Variants in ISCA2 observed in about 807,000 individuals in gnomAD.
ISCA2 encodes iron-sulfur cluster assembly 2.
ISCA2 carries 21 observed loss-of-function variants against 19.1 expected under a neutral mutation model. The ratio of observed to expected loss-of-function variants is 1.10; its 90% CI spans 0.78 to 1.59. The LOEUF (loss-of-function observed/expected upper bound fraction) is 1.59, where lower values mean the gene tolerates loss of function less well. Among genes scored for constraint, ISCA2 ranks in the 40% most tolerant of loss-of-function variants. ISCA2 has a pLI of 0.00. For missense variants in ISCA2, 181 were observed against 191.7 expected, an observed-to-expected ratio of 0.94 and a Z score of 0.33; for synonymous variants, 107 against 83.8, an observed-to-expected ratio of 1.28 and a Z score of -1.51.
Position 74,494,279 on chromosome 14 carries a change from T to A in ISCA2, c.179T>A (p.Leu60His). Residue 60 changes from leucine (L) to histidine (H), a missense_variant, in exon 3 of 4, where the codon CTT becomes CAT. By Grantham distance (99) the Leu-to-His change is moderately conservative (BLOSUM62 -3). Transcript: ENST00000556816. ...ATCCCCCTTCCTGCATTTCAGAGGC[T>A]TTTGGAAATCACCGAAGGGTCAGAA... Reference protein sequence around the residue: ...IRLTDSCVQRLLEITEGSEFL... With the variant: ...IRLTDSCVQRHLEITEGSEFL... 6.2e-7 allele frequency: 1 copy of A among 1,613,562 alleles called. No individual in the cohort carries two copies. The highest frequency in any genetic ancestry group is 8.5e-7 in the Non-Finnish European group (1 of 1,179,434).
At chr14:74,494,799 C>T in intron 3 of ISCA2, 27 bp from the exon 4 acceptor site, 2 of 1,610,294 alleles carry the variant, frequency 1.2e-6, no homozygotes, top group Non-Finnish European at 1.7e-6. Context: ...TGCGATACTC[C>T]TTAATGCCTT....
Position 74,495,331 on chromosome 14 carries a change from G to A in ISCA2, c.*331G>A. The A allele has an allele frequency of 4.7e-6, 1 of 214,560 alleles. No individual in the cohort carries two copies. Among genetic ancestry groups the A allele is most frequent in the Non-Finnish European group, 9.2e-6 (1 of 108,254 alleles). 13.3% of individuals were successfully genotyped at this position (214,560 alleles called of 1,614,324 possible). A position where few individuals can be genotyped will look rare whatever the true frequency, so the allele number is the denominator to read the frequency against. ...TGCCTTAAGAGCTGCTTGTACATAT[G>A]TGGATAGCTATGTATAAAAGCTTCA... On this transcript the variant is annotated 3_prime_UTR_variant, in exon 4 of 4. Coordinates refer to ENST00000556816, the MANE Select transcript of ISCA2 (RefSeq NM_194279.4).
chr14:74,494,787 T>G (rs749441736), intron 3 of ISCA2, 39 bp from the exon 4 acceptor site: 1 of 1,589,562 alleles, frequency 6.3e-7, no homozygotes, highest in Non-Finnish European at 8.6e-7. Flanking sequence ...CTTTTTTGTG[T>G]TTGCGATACT....
chr14:74,496,447 C>T lies in ISCA2; in HGVS notation c.*1447C>T, dbSNP rs932838791. Reference sequence around the variant, plus strand: ...GAGGAGAGAAGGGGACACTCAGAAACCTGAGCACATTTCTTAGAGCTGGTG... The same window carrying T: ...GAGGAGAGAAGGGGACACTCAGAAATCTGAGCACATTTCTTAGAGCTGGTG... On this transcript the variant is annotated 3_prime_UTR_variant, in exon 4 of 4. Coordinates refer to ENST00000556816, the MANE Select transcript of ISCA2 (RefSeq NM_194279.4). 6.6e-6 allele frequency: 1 copy of T among 152,104 alleles called. No individual in the cohort carries two copies. Among genetic ancestry groups the T allele is most frequent in the African/African-American group, 2.4e-5 (1 of 41,396 alleles). 9.4% of individuals were successfully genotyped at this position (152,104 alleles called of 1,614,324 possible). A position where few individuals can be genotyped will look rare whatever the true frequency, so the allele number is the denominator to read the frequency against.
At position 74,493,798 on chromosome 14, in the gene ISCA2, C is replaced by T. The variant is rs2086809998; in HGVS notation, c.24C>T (p.Ser8=). 9 of 1,537,146 alleles carry T rather than the reference C, an allele frequency of 5.9e-6. No individual in the cohort carries two copies. Among genetic ancestry groups the T allele is most frequent in the African/African-American group, 1.4e-5 (1 of 72,420 alleles). MAAAWGS[S]LTAATQRAVT... is the part of the protein sequence containing the mutation. ...AGATGGCTGCCGCCTGGGGGTCGTC[C>T]CTAACGGCCGCGACGCAGAGAGCGG... The change falls in exon 1 of 4, where the codon TCC becomes TCT. Residue 8 remains serine, a synonymous_variant. Coordinates refer to ENST00000556816, the MANE Select transcript of ISCA2 (RefSeq NM_194279.4). This position sits in a 1 kb window ranked among gnomAD's most constrained non-coding sequence, Gnocchi z 4.1.
At position 74,494,343 on chromosome 14, in the gene ISCA2, A is replaced by C; in HGVS notation, c.243A>C (p.Gly81=). 6.2e-7 allele frequency: 1 copy of C among 1,614,206 alleles called. No homozygotes were observed. Among genetic ancestry groups the C allele is most frequent in the Admixed American group, 1.7e-5 (1 of 60,026 alleles). The change falls in exon 3 of 4, where the codon GGA becomes GGC. Residue 81 remains glycine (G), a synonymous_variant. Coordinates refer to ENST00000556816, the MANE Select transcript of ISCA2 (RefSeq NM_194279.4). ...AAGTGGAGGGAGGTGGATGCTCCGGATTCCAATACAAATTTTCACTGGATA... is the reference window on the plus strand; with the variant it reads ...AAGTGGAGGGAGGTGGATGCTCCGGCTTCCAATACAAATTTTCACTGGATA... ...RLQVEGGGCS[G]FQYKFSLDTV...
At chr14:74,494,492 A>T (rs1227587334) in intron 3 of ISCA2, 102 bp downstream of exon 3, 7 of 839,674 alleles carry the variant, frequency 8.3e-6, no homozygotes, top group Non-Finnish European at 1.4e-5. Context: ...TTTACCTGGG[A>T]TGGTTAACAC....
Position 74,495,065 on chromosome 14 carries a change from G to A in ISCA2, c.*65G>A. ...CAATTTGAAGAACCTGGAATTAGTA[G>A]AATTCTAGAAGTTTACTTCTAATCA... On this transcript the variant is annotated 3_prime_UTR_variant, in exon 4 of 4. Transcript: ENST00000556816. The A allele has an allele frequency of 2.5e-6, 3 of 1,216,758 alleles. No homozygotes were observed. Among genetic ancestry groups the A allele is most frequent in the Non-Finnish European group, 3.6e-6 (3 of 839,894 alleles). The allele number at this position is 1,216,758 out of a possible 1,614,324, so 75.4% of individuals were successfully genotyped here.
At chr14:74,494,174 G>C in intron 2 of ISCA2, 22 bp downstream of exon 2, 1 of 1,586,538 alleles carries the variant, frequency 6.3e-7, no homozygotes, top group Non-Finnish European at 8.6e-7. Flanking sequence ...GACGCGGAGC[G>C]GCGGTACCCA....
chr14:74,494,224 C>T (rs369826259), intron 2 of ISCA2, 51 bp from the exon 3 acceptor site: 1 of 1,588,186 alleles, frequency 6.3e-7, no homozygotes, highest in African/African-American at 1.3e-5. Context: ...CTTCACTCAG[C>T]CCTTTAACTC....
Position 74,494,368 on chromosome 14 carries a change from A to G in ISCA2, c.268A>G (p.Thr90Ala), listed in dbSNP as rs1566607048. 3.1e-6 allele frequency: 5 copies of G among 1,613,912 alleles called. No individual in the cohort carries two copies. The highest frequency in any genetic ancestry group is 4.2e-6 in the Non-Finnish European group (5 of 1,179,756). Residue 90 changes from threonine to alanine, a missense_variant, in exon 3 of 4, where the codon ACA becomes GCA. Physicochemically the swap from Thr to Ala is moderately conservative, Grantham distance 58. Coordinates refer to ENST00000556816, the MANE Select transcript of ISCA2 (RefSeq NM_194279.4). ...SGFQYKFSLDTVINPDDRVFE... is the reference protein window; with the variant it reads ...SGFQYKFSLDAVINPDDRVFE... ...ATTCCAATACAAATTTTCACTGGAT[A>G]CAGTTATCAACCCCGACGACAGGCA... is the stretch of plus-strand genomic sequence containing the variant.
intron 3 of ISCA2, 186 bp downstream of exon 3, chr14:74,494,576 T>C (rs573173763): frequency 4.7e-6 from 3 of 631,946 alleles, no homozygotes; most frequent in East Asian, 2.7e-5. Flanking sequence ...AGGAGCAAAA[T>C]TGATCTGCCC....
intron 3 of ISCA2, 162 bp downstream of exon 3, chr14:74,494,552 AG>A (rs2086824125): frequency 1.5e-6 from 1 of 651,846 alleles, no homozygotes. Context: ...TCTGAATCAA[AG>A]TAACTAAGTT....
Position 74,494,402 on chromosome 14 carries a change from G to C in ISCA2, c.290+12G>C. On this transcript the variant is annotated intron_variant, in intron 3 of 3. Transcript: ENST00000556816. The stretch of plus-strand genomic sequence containing the variant: ...AACCCCGACGACAGGCAAGGAGGAA[G>C]GGGTGGGCCCCCAAAGGAGGTACAG... 1 of 1,595,174 alleles carries C rather than the reference G, an allele frequency of 6.3e-7. No homozygotes were observed. Among genetic ancestry groups the C allele is most frequent in the Non-Finnish European group, 8.6e-7 (1 of 1,162,656 alleles).
chr14:74,494,035 C>T lies in ISCA2; in HGVS notation c.72-15C>T, dbSNP rs1265828111. 3 of 1,532,628 alleles carry T rather than the reference C, an allele frequency of 2.0e-6. No homozygotes were observed. Among genetic ancestry groups the T allele is most frequent in the Admixed American group, 2.0e-5 (1 of 50,780 alleles). The allele number at this position is 1,532,628 out of a possible 1,614,324, so 94.9% of individuals were successfully genotyped here. A position where few individuals can be genotyped will look rare whatever the true frequency, so the allele number is the denominator to read the frequency against. On this transcript the variant is annotated splice_polypyrimidine_tract_variant and intron_variant, in intron 1 of 3. Coordinates refer to ENST00000556816, the MANE Select transcript of ISCA2 (RefSeq NM_194279.4). The stretch of plus-strand genomic sequence containing the variant: ...CCCTTCTGCTCCCGGGCTCACCCTC[C>T]TCCCTTGCGCGCAGGCTCCTCACGG...
chr14:74,495,063 T>C lies in ISCA2; in HGVS notation c.*63T>C, dbSNP rs906895619. 9.9e-6 allele frequency: 12 copies of C among 1,216,156 alleles called. No individual in the cohort carries two copies. The highest frequency in any genetic ancestry group is 1.9e-5 in the Admixed American group (1 of 52,950). The allele number at this position is 1,216,156 out of a possible 1,614,324, so 75.3% of individuals were successfully genotyped here. On this transcript the variant is annotated 3_prime_UTR_variant, in exon 4 of 4. Coordinates refer to ENST00000556816, the MANE Select transcript of ISCA2 (RefSeq NM_194279.4). Reference sequence around the variant, plus strand: ...ACCAATTTGAAGAACCTGGAATTAGTAGAATTCTAGAAGTTTACTTCTAAT... The same window carrying C: ...ACCAATTTGAAGAACCTGGAATTAGCAGAATTCTAGAAGTTTACTTCTAAT...
rs757406880 is a variant in ISCA2 at position 74,494,349 on chromosome 14, A to G, written c.249A>G (p.Gln83=). 1 of 1,614,186 alleles carries G rather than the reference A, an allele frequency of 6.2e-7. No individual in the cohort carries two copies. ...AGGGAGGTGGATGCTCCGGATTCCAATACAAATTTTCACTGGATACAGTTA... is the reference window on the plus strand; with the variant it reads ...AGGGAGGTGGATGCTCCGGATTCCAGTACAAATTTTCACTGGATACAGTTA... The part of the protein sequence containing the change: ...QVEGGGCSGF[Q]YKFSLDTVIN... Residue 83 remains glutamine, a synonymous_variant, in exon 3 of 4, where the codon CAA becomes CAG. Coordinates refer to ENST00000556816, the MANE Select transcript of ISCA2 (RefSeq NM_194279.4).
intron 3 of ISCA2, 96 bp from the exon 4 acceptor site, chr14:74,494,730 T>C (rs974218433): frequency 2.4e-5 from 26 of 1,078,344 alleles, no homozygotes; most frequent in Non-Finnish European, 2.9e-5. Context: ...AAGCTCCCTC[T>C]GTACTTTAGA....
rs546545542 is a variant in ISCA2, at chr14:74,495,113, C to T, written c.*113C>T. ...TCATGTCCCTCTCAATTTTATTTCC[C>T]GCAGTCCAGGAGTGTTATGTTTTGC... On this transcript the variant is annotated 3_prime_UTR_variant, in exon 4 of 4. Transcript: ENST00000556816. 3.5e-5 allele frequency: 28 copies of T among 801,940 alleles called. No individual in the cohort carries two copies. The South Asian group carries it at 3.9e-4, about 11-fold the overall frequency. The allele number at this position is 801,940 out of a possible 1,614,324, so 49.7% of individuals were successfully genotyped here. A position where few individuals can be genotyped will look rare whatever the true frequency, so the allele number is the denominator to read the frequency against.
Sources: allele counts gnomAD v4.1 joint callset, GRCh38; gene constraint gnomAD v4.1.1; non-coding constraint Gnocchi (gnomAD v3.1); transcripts MANE v1.5; gene names NCBI Gene and HGNC (gene_info 2026-07-23, HGNC 2026-07-21).